CHRM3: variants seen among roughly 807,000 people sequenced by gnomAD.
CHRM3 encodes the protein cholinergic receptor muscarinic 3.
A neutral mutation model predicts 41.8 loss-of-function variants in CHRM3; 11 were observed. That is an observed-to-expected ratio of 0.26 (90% confidence interval 0.17 to 0.44). The LOEUF (loss-of-function observed/expected upper bound fraction) is 0.44, where lower values mean the gene tolerates loss of function less well. Ranked by LOEUF, CHRM3 falls within the 20% of genes least tolerant of loss-of-function variation. The pLI is 1.00. For synonymous variants in CHRM3, 297 were observed against 301.4 expected, an observed-to-expected ratio of 0.99 and a Z score of 0.15; for missense variants, 571 against 745.4, an observed-to-expected ratio of 0.77 and a Z score of 2.72.
At chr1:239,800,330 A>G (rs1279941462) in intron 5 of CHRM3, among the ~76,000 whole-genome samples, 1 of 152,178 alleles carries the variant, frequency 6.6e-6, no homozygotes, top group Non-Finnish European at 1.5e-5. Context: ...GTTCCCAGCT[A>G]GAAAACTCCC....
At chr1:239,641,264 G>A (rs536936309) in intron 4 of CHRM3, among the ~76,000 whole-genome samples, 94 of 150,840 alleles carry the variant, frequency 6.2e-4, no homozygotes, top group African/African-American at 2.1e-3. Context: ...GGAGAGTTCT[G>A]TAGATGTCTA....
At chr1:239,671,591 A>G (rs1573226471) in intron 4 of CHRM3, among the ~76,000 whole-genome samples, 1 of 152,248 alleles carries the variant, frequency 6.6e-6, no homozygotes, top group Non-Finnish European at 1.5e-5. Context: ...AAAAAGGCCC[A>G]GATGCAGCTT....
intron 2 of CHRM3, among the ~76,000 whole-genome samples, chr1:239,498,774 TC>T (rs2148117590): frequency 6.6e-6 from 1 of 152,292 alleles, no homozygotes; most frequent in Non-Finnish European, 1.5e-5. Flanking sequence ...TCTCCCTTAT[TC>T]TTTTACGGAA....
At chr1:239,699,575 C>A (rs1429642958) in intron 5 of CHRM3, among the ~76,000 whole-genome samples, 2 of 152,108 alleles carry the variant, frequency 1.3e-5, no homozygotes, top group Non-Finnish European at 2.9e-5. Context: ...GCTTAAGTCA[C>A]CCGATCTGTA....
At chr1:239,500,521 A>T (rs1668165080) in intron 2 of CHRM3, among the ~76,000 whole-genome samples, 1 of 152,046 alleles carries the variant, frequency 6.6e-6, no homozygotes, top group African/African-American at 2.4e-5. Context: ...ATGTTAAATG[A>T]TGAGTTAATG....
chr1:239,494,264 C>G (rs1174910203), intron 2 of CHRM3, among the ~76,000 whole-genome samples: 1 of 152,054 alleles, frequency 6.6e-6, no homozygotes, highest in Non-Finnish European at 1.5e-5. Context: ...ATGAGAGCAG[C>G]TAGGGATGGC....
rs1355799057 is a variant in CHRM3 at position 239,912,296 on chromosome 1, C to T, written c.*3072C>T. ...ATCCCTCGGCTCTGCTCTCCTTTGC[C>T]CATCAGCTCCCTGTGGCCTCTATGC... On this transcript the variant is annotated 3_prime_UTR_variant, in exon 7 of 7. Coordinates refer to ENST00000676153, the MANE Select transcript of CHRM3 (RefSeq NM_001375978.1). 8 of 167,298 alleles carry T rather than the reference C, an allele frequency of 4.8e-5. No individual in the cohort carries two copies. Among genetic ancestry groups the T allele is most frequent in the African/African-American group, 1.9e-4 (8 of 41,560 alleles). The allele number at this position is 167,298 out of a possible 1,614,324, so 10.4% of individuals were successfully genotyped here.
intron 2 of CHRM3, among the ~76,000 whole-genome samples, chr1:239,532,075 C>T (rs1406656019): frequency 2.5e-5 from 3 of 121,754 alleles, no homozygotes; most frequent in East Asian, 5.0e-4. Flanking sequence ...TGCAGTAGCG[C>T]GATCTCGGCT....
intron 5 of CHRM3, among the ~76,000 whole-genome samples, chr1:239,724,471 G>T (rs1204722379): frequency 6.6e-6 from 1 of 151,862 alleles, no homozygotes; most frequent in African/African-American, 2.4e-5. Flanking sequence ...AATTGTTTGT[G>T]CATTGGAAGT....
intron 5 of CHRM3, among the ~76,000 whole-genome samples, chr1:239,783,710 C>A (rs776536994): frequency 5.3e-5 from 8 of 152,108 alleles, no homozygotes; most frequent in African/African-American, 9.7e-5. Context: ...GTTAATTTTT[C>A]TTTCAACTTT....
chr1:239,749,023 G>T (rs1177216263), intron 5 of CHRM3, among the ~76,000 whole-genome samples: 1 of 152,160 alleles, frequency 6.6e-6, no homozygotes, highest in Non-Finnish European at 1.5e-5. Flanking sequence ...TGGGGTCTGA[G>T]CCGTACGGTC....
intron 6 of CHRM3, among the ~76,000 whole-genome samples, chr1:239,877,669 A>C (rs1677219368): frequency 6.6e-6 from 1 of 152,176 alleles, no homozygotes; most frequent in Admixed American, 6.5e-5. Flanking sequence ...CTGTGAAAGA[A>C]TTCAAACCCA....
chr1:239,800,922 G>A (rs1670162922), intron 5 of CHRM3, among the ~76,000 whole-genome samples: 1 of 151,116 alleles, frequency 6.6e-6, no homozygotes, highest in South Asian at 2.1e-4. Context: ...TTTTCCAGTT[G>A]AGGTTTCCCC....
chr1:239,840,047 T>A (rs1265690442), intron 6 of CHRM3, among the ~76,000 whole-genome samples: 1 of 152,200 alleles, frequency 6.6e-6, no homozygotes, highest in Non-Finnish European at 1.5e-5. Context: ...ACACTTTTAC[T>A]CTAGAAACTG....
At chr1:239,551,761 A>T (rs1659855096) in intron 3 of CHRM3, among the ~76,000 whole-genome samples, 1 of 152,192 alleles carries the variant, frequency 6.6e-6, no homozygotes, top group African/African-American at 2.4e-5. Flanking sequence ...AACATGGGCT[A>T]ATGAGATAGA....
chr1:239,428,237 C>T (rs899329766), intron 1 of CHRM3, among the ~76,000 whole-genome samples: 3 of 152,174 alleles, frequency 2.0e-5, no homozygotes, highest in African/African-American at 7.2e-5. Context: ...TCTGCAGCTC[C>T]CTTAGGGTCT....
rs190760496 is a variant in CHRM3 at position 239,607,927 on chromosome 1, T to C, written c.-312-24297T>C. On this transcript the variant is annotated intron_variant, in intron 3 of 6. Transcript: ENST00000676153. ...ATGATTGTGACATAGGTATGCATTA[T>C]TTGTTTGCATTTAGAATTAGAGAAA... 7.0e-3 allele frequency among the ~76,000 whole-genome samples: 1,073 copies of C among 152,282 alleles called. 15 individuals carry two copies. Among genetic ancestry groups the C allele is most frequent in the African/African-American group, 0.025 (1,029 of 41,560 alleles).
intron 6 of CHRM3, among the ~76,000 whole-genome samples, chr1:239,849,347 C>T (rs1674518155): frequency 6.6e-6 from 1 of 152,136 alleles, no homozygotes; most frequent in South Asian, 2.1e-4. Context: ...GACCAACAGC[C>T]ACATTCTTTC....
At chr1:239,777,927 A>T (rs1208978329) in intron 5 of CHRM3, among the ~76,000 whole-genome samples, 1 of 152,092 alleles carries the variant, frequency 6.6e-6, no homozygotes, top group Non-Finnish European at 1.5e-5. Context: ...GATAAGAGTG[A>T]TATAATGGAC....
Sources: gnomAD v4.1 joint callset for allele counts (sites outside exome capture counted in the v4.1 genomes callset) on GRCh38, gnomAD v4.1.1 for gene constraint, MANE v1.5 for transcripts, NCBI Gene and HGNC (gene_info 2026-07-23, HGNC 2026-07-21) for gene names.